BIN1: variants seen among roughly 807,000 people sequenced by gnomAD.
BIN1 encodes the protein bridging integrator 1, also known as myc box-dependent-interacting protein 1.
BIN1 carries 53 observed loss-of-function variants against 82.0 expected under a neutral mutation model. The ratio of observed to expected loss-of-function variants is 0.65; its 90% CI spans 0.52 to 0.81. The LOEUF is 0.81. Ranked by LOEUF, BIN1 falls within the 40% of genes least tolerant of loss-of-function variation. The pLI, the probability that BIN1 is intolerant of heterozygous loss-of-function variation, is 0.00. For synonymous variants in BIN1, 302 were observed against 328.0 expected, an observed-to-expected ratio of 0.92 and a Z score of 0.86; for missense variants, 642 against 784.4, an observed-to-expected ratio of 0.82 and a Z score of 2.17.
chr2:127,054,580 G>T (rs554406801), intron 12 of BIN1: 1 of 157,782 alleles, frequency 6.3e-6, no homozygotes, highest in Non-Finnish European at 1.4e-5. Flanking sequence ...ACCACCAGCC[G>T]TCAGCTCCAG....
chr2:127,059,270 C>CTG lies in BIN1; in HGVS notation c.858-117_858-116dup, dbSNP rs140171337. On this transcript the variant is annotated intron_variant, in intron 10 of 18. Transcript: ENST00000316724. The surrounding 1 kb of genome is among the most constrained non-coding windows in gnomAD (Gnocchi z 6.7). ...GGTGTGTGCATATGGAGGTGTGAAA[C>CTG]TGTGTGTGTGTGTGTGTGTGTGTAT... 9,176 of 866,640 alleles carry CTG rather than the reference C, an allele frequency of 0.011. 31 individuals are homozygous for CTG. Among genetic ancestry groups the CTG allele is most frequent in the East Asian group, 0.057 (1,754 of 30,702 alleles). 53.7% of individuals were successfully genotyped at this position (866,640 alleles called of 1,614,324 possible).
intron 1 of BIN1, among the ~76,000 whole-genome samples, chr2:127,099,659 G>T (rs1408557434): frequency 6.6e-6 from 1 of 151,880 alleles, no homozygotes; most frequent in African/African-American, 2.4e-5. Flanking sequence ...GATTACAGGC[G>T]CATGCCACTA....
At chr2:127,062,929 C>T (rs766018700) in intron 9 of BIN1, among the ~76,000 whole-genome samples, 15 of 152,340 alleles carry the variant, frequency 9.8e-5, no homozygotes, top group South Asian at 4.1e-4. Context: ...TTTCCTCCTC[C>T]GACCCTGGGC....
chr2:127,096,810 C>T (rs1401928133), intron 1 of BIN1, among the ~76,000 whole-genome samples: 4 of 152,234 alleles, frequency 2.6e-5, no homozygotes, highest in Middle Eastern at 3.2e-3. Context: ...CCCCTGCTTG[C>T]CCTGGACTCA....
At position 127,050,859 on chromosome 2, in the gene BIN1, G is replaced by A. The variant is rs375583449; in HGVS notation, c.1515C>T (p.Thr505=). 6.3e-5 allele frequency: 101 copies of A among 1,613,894 alleles called. No homozygotes were observed. The South Asian group carries it at 6.8e-4, about 11-fold the overall frequency. ...GCCCGGCCCCACTGCCGCCCTCCAC[G>A]GTGCCATTCACAGTTGCTGGGAAGG... ...VETFPATVNG[T]VEGGSGAGRL... is the part of the protein sequence containing the mutation. Residue 505 remains threonine (T), a synonymous_variant, in exon 17 of 19, where the codon ACC becomes ACT. Coordinates refer to ENST00000316724, the MANE Select transcript of BIN1 (RefSeq NM_139343.3).
At chr2:127,052,438 A>G in intron 14 of BIN1, 76 bp from the exon 15 acceptor site, 1 of 1,372,088 alleles carries the variant, frequency 7.3e-7, no homozygotes, top group Non-Finnish European at 1.0e-6. Flanking sequence ...CAGGATCACA[A>G]GACAAGAGAA....
chr2:127,100,953 C>G (rs550084979), intron 1 of BIN1, among the ~76,000 whole-genome samples: 35 of 144,042 alleles, frequency 2.4e-4, no homozygotes, highest in African/African-American at 8.5e-4. Context: ...ATGAGGAAAC[C>G]GGGATTCCAA....
chr2:127,054,057 A>G (rs1683320344), intron 12 of BIN1, 45 bp from the exon 13 acceptor site: 7 of 1,519,574 alleles, frequency 4.6e-6, no homozygotes, highest in Non-Finnish European at 6.3e-6. Flanking sequence ...GTTAGTGTTA[A>G]GCTGGGAGCC....
Position 127,093,278 on chromosome 2 carries a change from G to T in BIN1, c.84+13582C>A, listed in dbSNP as rs1679176847. On this transcript the variant is annotated intron_variant, in intron 1 of 18. Transcript: ENST00000316724. The surrounding 1 kb of genome is among the most constrained non-coding windows in gnomAD (Gnocchi z 5.7). ...AAGGCCTCAGAGGTAAGCTCTCTGT[G>T]ACCTTCTCCTGCCCTTCTGTCTCTC... Among the ~76,000 whole-genome samples the T allele has an allele frequency of 6.6e-6, 1 of 152,220 alleles. No homozygotes were observed. The highest frequency in any genetic ancestry group is 1.5e-5 in the Non-Finnish European group (1 of 68,028).
intron 7 of BIN1, among the ~76,000 whole-genome samples, chr2:127,064,510 G>C (rs1464235480): frequency 6.6e-6 from 1 of 152,214 alleles, no homozygotes; most frequent in East Asian, 1.9e-4. Context: ...ATTTCTGAGG[G>C]CCAGCTCCTG....
chr2:127,053,986 C>T lies in BIN1; in HGVS notation c.1158G>A (p.Glu386=). The change falls in exon 13 of 19, where the codon GAG becomes GAA. Residue 386 remains glutamate (E), a synonymous_variant. Transcript: ENST00000316724. ...SQFEAPGPFS[E]QASLLDLDFD... is the part of the protein sequence containing the mutation. The stretch of plus-strand genomic sequence containing the variant: ...AGTCCAGGTCCAGCAGACTGGCCTG[C>T]TCCGAGAAAGGCCCCGGGGCCTCAA... 1 of 1,551,442 alleles carries T rather than the reference C, an allele frequency of 6.4e-7. No individual in the cohort carries two copies. The highest frequency in any genetic ancestry group is 8.7e-7 in the Non-Finnish European group (1 of 1,146,966).
At position 127,057,692 on chromosome 2, in the gene BIN1, G is replaced by A; in HGVS notation, c.1003-91C>T. ...ACAGACAGAGACAAAGCCACGGTTA[G>A]TCACACCTCAGGCCACAGTCCCACC... is the stretch of plus-strand genomic sequence containing the variant. On this transcript the variant is annotated intron_variant, in intron 11 of 18. Coordinates refer to ENST00000316724, the MANE Select transcript of BIN1 (RefSeq NM_139343.3). This position sits in a 1 kb window ranked among gnomAD's most constrained non-coding sequence, Gnocchi z 5.0. The A allele has an allele frequency of 2.1e-6, 3 of 1,410,878 alleles. No individual in the cohort carries two copies. The highest frequency in any genetic ancestry group is 2.8e-6 in the Non-Finnish European group (3 of 1,074,492). The allele number at this position is 1,410,878 out of a possible 1,614,324, so 87.4% of individuals were successfully genotyped here.
intron 12 of BIN1, chr2:127,054,448 A>G (rs2104904531): frequency 4.2e-6 from 1 of 238,270 alleles, no homozygotes; most frequent in Non-Finnish European, 8.4e-6. Flanking sequence ...GCTACCCCCC[A>G]GTGGCGAGAG....
chr2:127,051,055 C>T, intron 16 of BIN1, 99 bp downstream of exon 16: 1 of 1,545,092 alleles, frequency 6.5e-7, no homozygotes, highest in Non-Finnish European at 8.9e-7. Context: ...TCAACAGGAG[C>T]CAGGCCTGGA....
At chr2:127,105,648 C>T (rs7584040) in intron 1 of BIN1, among the ~76,000 whole-genome samples, 30,212 of 152,116 alleles carry the variant, frequency 0.2, 3,169 homozygotes, top group Non-Finnish European at 0.22. Flanking sequence ...TGGGGAAGCT[C>T]TAGGCGCCCC....
chr2:127,058,299 G>A (rs1034771569), intron 11 of BIN1, among the ~76,000 whole-genome samples: 10 of 152,214 alleles, frequency 6.6e-5, no homozygotes, highest in Non-Finnish European at 4.4e-5. Context: ...TCCAGGCCGG[G>A]GGAAGTGCTG....
intron 1 of BIN1, among the ~76,000 whole-genome samples, chr2:127,079,012 C>T (rs371300924): frequency 2.0e-5 from 3 of 152,232 alleles, no homozygotes; most frequent in African/African-American, 4.8e-5. Flanking sequence ...GCCCCTTCCA[C>T]GCCCTGCCCT....
intron 1 of BIN1, among the ~76,000 whole-genome samples, chr2:127,104,555 C>T (rs529173196): frequency 1.3e-5 from 2 of 152,186 alleles, no homozygotes; most frequent in Admixed American, 6.5e-5. Context: ...GCTCAGGAAA[C>T]GCCTTCCTGT....
At chr2:127,080,233 G>A (rs963717083) in intron 1 of BIN1, among the ~76,000 whole-genome samples, 4 of 152,250 alleles carry the variant, frequency 2.6e-5, no homozygotes, top group Non-Finnish European at 5.9e-5. Flanking sequence ...GGACAAGGCC[G>A]TGAGCCCTGG....
Sources: gnomAD v4.1 joint callset for allele counts (sites outside exome capture counted in the v4.1 genomes callset) on GRCh38, gnomAD v4.1.1 for gene constraint, Gnocchi (gnomAD v3.1) non-coding constraint, MANE v1.5 for transcripts, NCBI Gene and HGNC (gene_info 2026-07-23, HGNC 2026-07-21) for gene names.